The following KPNA4 variants were observed in gnomAD, a reference collection of about 807,000 sequenced individuals.
KPNA4 encodes importin subunit alpha-3.
KPNA4 carries 13 observed loss-of-function variants against 71.3 expected under a neutral mutation model. The observed-to-expected ratio is 0.18, with a 90% CI of 0.12 to 0.29. The LOEUF is 0.29. KPNA4 is among the 10% of genes least tolerant of loss of function. The pLI is 1.00. For missense variants in KPNA4, 334 were observed against 603.2 expected (o/e 0.55, Z 4.67); for synonymous variants, 189 against 195.2 (o/e 0.97, Z 0.26).
intron 10 of KPNA4, among the ~76,000 whole-genome samples, chr3:160,524,455 G>C (rs996512921): frequency 6.6e-6 from 1 of 152,044 alleles, no homozygotes; most frequent in Non-Finnish European, 1.5e-5. Flanking sequence ...AGATCCTCCT[G>C]CCTCAGCCAC....
intron 8 of KPNA4, among the ~76,000 whole-genome samples, chr3:160,527,621 T>C (rs540400123): frequency 4.8e-4 from 73 of 152,028 alleles, no homozygotes; most frequent in African/African-American, 1.6e-3. Context: ...AGCTGAGAAA[T>C]AAAAAGGGAC....
At chr3:160,502,268 T>A in intron 16 of KPNA4, 66 bp from the exon 17 acceptor site, 2 of 727,220 alleles carry the variant, frequency 2.8e-6, no homozygotes, top group Non-Finnish European at 4.2e-6. Context: ...AGTATTATAG[T>A]ACTAATCCCA....
chr3:160,544,145 A>ACTGTGCCCGGCCTCCTTGAC (rs1195595768), intron 1 of KPNA4, among the ~76,000 whole-genome samples: 17 of 152,212 alleles, frequency 1.1e-4, no homozygotes, highest in Non-Finnish European at 2.2e-4. Context: ...GGCATGAGCC[A>ACTGTGCCCGGCCTCCTTGAC]CTGTGCCCGG....
intron 11 of KPNA4, among the ~76,000 whole-genome samples, 198 bp downstream of exon 11, chr3:160,521,581 T>A (rs959417477): frequency 2.6e-4 from 40 of 152,172 alleles, no homozygotes; most frequent in African/African-American, 9.2e-4. Flanking sequence ...CCAGCCTGGG[T>A]GACAGTGAGA....
At position 160,496,843 on chromosome 3, in the gene KPNA4, G is replaced by A. The variant is rs1317387743; in HGVS notation, c.*5261C>T. Reference sequence around the variant, plus strand: ...TCACAGTCAACTGCTCTTACACCCAGAGCAGTAGCTGTCAAGTCAATTTTA... The same window carrying A: ...TCACAGTCAACTGCTCTTACACCCAAAGCAGTAGCTGTCAAGTCAATTTTA... On this transcript the variant is annotated 3_prime_UTR_variant, in exon 17 of 17. Transcript: ENST00000334256. The A allele has an allele frequency of 3.3e-5, 5 of 152,164 alleles. No individual in the cohort carries two copies. The highest frequency in any genetic ancestry group is 6.5e-5 in the Admixed American group (1 of 15,272). The allele number at this position is 152,164 out of a possible 1,614,324, so 9.4% of individuals were successfully genotyped here. A position where few individuals can be genotyped will look rare whatever the true frequency, so the allele number is the denominator to read the frequency against.
intron 1 of KPNA4, among the ~76,000 whole-genome samples, chr3:160,542,553 A>C (rs890385663): frequency 1.3e-5 from 2 of 152,174 alleles, no homozygotes; most frequent in African/African-American, 4.8e-5. Flanking sequence ...AAAAACCCAT[A>C]TTACAATCCT....
intron 1 of KPNA4, among the ~76,000 whole-genome samples, chr3:160,559,838 G>C (rs768750606): frequency 1.3e-5 from 2 of 151,884 alleles, no homozygotes; most frequent in African/African-American, 4.8e-5. Context: ...ATTAAGACCC[G>C]AAAAAAAGGT....
Position 160,497,841 on chromosome 3 carries a change from T to C in KPNA4, c.*4263A>G, listed in dbSNP as rs1720796474. The C allele has an allele frequency of 1.3e-5, 2 of 152,306 alleles. No homozygotes were observed. The highest frequency in any genetic ancestry group is 2.4e-5 in the African/African-American group (1 of 41,576). The allele number at this position is 152,306 out of a possible 1,614,324, so 9.4% of individuals were successfully genotyped here. On this transcript the variant is annotated 3_prime_UTR_variant, in exon 17 of 17. Transcript: ENST00000334256. Reference sequence around the variant, plus strand: ...GGAGTTAACAATTAAAGTTGGCCTATTTATAGTTCACTTTAATAGCTACAA... The same window carrying C: ...GGAGTTAACAATTAAAGTTGGCCTACTTATAGTTCACTTTAATAGCTACAA...
intron 7 of KPNA4, among the ~76,000 whole-genome samples, chr3:160,528,397 ACT>A (rs1031855491): frequency 1.6e-4 from 25 of 151,596 alleles, no homozygotes; most frequent in African/African-American, 5.6e-4. Context: ...ACGGAGTCTC[ACT>A]CTGTCATCCA....
intron 8 of KPNA4, among the ~76,000 whole-genome samples, chr3:160,526,958 C>T (rs1721472745): frequency 6.6e-6 from 1 of 152,080 alleles, no homozygotes; most frequent in South Asian, 2.1e-4. Context: ...AATAGCATTC[C>T]TAATAGTATA....
At chr3:160,516,960 T>G (rs28705750) in intron 11 of KPNA4, among the ~76,000 whole-genome samples, 82,715 of 151,764 alleles carry the variant, frequency 0.55, 23,184 homozygotes, top group Non-Finnish European at 0.57. Context: ...CCAAATTTTT[T>G]AAAAAATTGA....
chr3:160,541,054 G>GT (rs1472783643), intron 1 of KPNA4, among the ~76,000 whole-genome samples: 3 of 152,198 alleles, frequency 2.0e-5, no homozygotes, highest in African/African-American at 7.2e-5. Context: ...ATCCATCACT[G>GT]TATTAAGCAC....
At chr3:160,543,568 C>T (rs1017330104) in intron 1 of KPNA4, among the ~76,000 whole-genome samples, 3 of 151,980 alleles carry the variant, frequency 2.0e-5, no homozygotes, top group African/African-American at 4.8e-5. Flanking sequence ...CCTGACCTCA[C>T]GTGAATCACC....
chr3:160,533,779 T>G (rs1276906545), intron 5 of KPNA4, among the ~76,000 whole-genome samples: 1 of 152,218 alleles, frequency 6.6e-6, no homozygotes. Flanking sequence ...ATCAGTTTGC[T>G]CTTGCATACC....
intron 7 of KPNA4, among the ~76,000 whole-genome samples, chr3:160,530,026 T>G (rs1721540679): frequency 6.7e-6 from 1 of 149,580 alleles, no homozygotes; most frequent in Non-Finnish European, 1.5e-5. Flanking sequence ...CCCCAGGTAC[T>G]TGGGAGACGG....
rs563187296 is a variant in KPNA4, at chr3:160,495,093, C to G, written c.*7011G>C. 6.1e-4 allele frequency: 93 copies of G among 152,194 alleles called. No homozygotes were observed. The highest frequency in any genetic ancestry group is 2.1e-3 in the African/African-American group (88 of 41,494). The allele number at this position is 152,194 out of a possible 1,614,324, so 9.4% of individuals were successfully genotyped here. The stretch of plus-strand genomic sequence containing the variant: ...GAACTTTGCTTATATGCCGACCTTG[C>G]CCTTAAGGAGCTTACAATCTAGTGG... On this transcript the variant is annotated 3_prime_UTR_variant, in exon 17 of 17. Coordinates refer to ENST00000334256, the MANE Select transcript of KPNA4 (RefSeq NM_002268.5).
chr3:160,498,880 C>G lies in KPNA4; in HGVS notation c.*3224G>C, dbSNP rs1720820954. 1 of 152,040 alleles carries G rather than the reference C, an allele frequency of 6.6e-6. No homozygotes were observed. Among genetic ancestry groups the G allele is most frequent in the African/African-American group, 2.4e-5 (1 of 41,388 alleles). 9.4% of individuals were successfully genotyped at this position (152,040 alleles called of 1,614,324 possible). A position where few individuals can be genotyped will look rare whatever the true frequency, so the allele number is the denominator to read the frequency against. Reference sequence around the variant, plus strand: ...GACACTAAATTTATGGTAATTATACCAAAATTACACAGCAGTTATTCTCTA... The same window carrying G: ...GACACTAAATTTATGGTAATTATACGAAAATTACACAGCAGTTATTCTCTA... On this transcript the variant is annotated 3_prime_UTR_variant, in exon 17 of 17. Transcript: ENST00000334256.
chr3:160,525,550 T>C (rs1392833444), intron 10 of KPNA4, among the ~76,000 whole-genome samples: 2 of 152,168 alleles, frequency 1.3e-5, no homozygotes, highest in Non-Finnish European at 2.9e-5. Flanking sequence ...CATACAATAT[T>C]GTCCACACCA....
intron 1 of KPNA4, among the ~76,000 whole-genome samples, chr3:160,551,896 GGA>G: frequency 2.8e-5 from 4 of 143,380 alleles, no homozygotes; most frequent in African/African-American, 1.0e-4. Context: ...GCCACACAAG[GGA>G]TATTTGGCAA....
Sources: allele counts gnomAD v4.1 joint callset (sites outside exome capture counted in the v4.1 genomes callset), GRCh38; gene constraint gnomAD v4.1.1; transcripts MANE v1.5; gene names NCBI Gene and HGNC (gene_info 2026-07-23, HGNC 2026-07-21).